Variants in NOTCH2 observed in about 807,000 individuals in gnomAD.
The protein encoded by NOTCH2 is notch receptor 2.
A neutral mutation model predicts 235.8 loss-of-function variants in NOTCH2; 29 were observed. That is an observed-to-expected ratio of 0.12 (90% CI 0.09 to 0.17). The LOEUF (loss-of-function observed/expected upper bound fraction) is 0.17, where lower values mean the gene tolerates loss of function less well. NOTCH2 is among the 10% of genes least tolerant of loss of function. The pLI is 1.00. For synonymous variants in NOTCH2, 1,086 were observed against 1,141.5 expected, an observed-to-expected ratio of 0.95 and a Z score of 0.98; for missense variants, 2,285 against 3,150.2, an observed-to-expected ratio of 0.73 and a Z score of 6.57.
chr1:119,981,861 T>TA (rs1553201682), intron 5 of NOTCH2, among the ~76,000 whole-genome samples: 3 of 151,872 alleles, frequency 2.0e-5, no homozygotes, highest in Non-Finnish European at 2.9e-5. Context: ...CCATGTAGAA[T>TA]ATAAAAGAGA....
At chr1:119,936,382 TA>T (rs1649849890) in intron 21 of NOTCH2, among the ~76,000 whole-genome samples, 1 of 152,224 alleles carries the variant, frequency 6.6e-6, no homozygotes, top group Non-Finnish European at 1.5e-5. Flanking sequence ...CTGGGGTCTG[TA>T]TGGCCCCAGG....
chr1:119,922,828 G>A (rs781639149), intron 26 of NOTCH2, 50 bp from the exon 27 acceptor site: 2 of 1,610,708 alleles, frequency 1.2e-6, no homozygotes, highest in Non-Finnish European at 1.7e-6. Context: ...GGGTAAAACA[G>A]AAGAGTGCAG....
intron 3 of NOTCH2, 57 bp downstream of exon 3, chr1:120,005,272 C>G (rs1317015438): frequency 6.2e-7 from 1 of 1,613,364 alleles, no homozygotes; most frequent in Non-Finnish European, 8.5e-7. Flanking sequence ...CTAAAAGATG[C>G]TAAATAAAGG....
chr1:119,938,280 A>G (rs768686986), intron 19 of NOTCH2, among the ~76,000 whole-genome samples: 13 of 152,154 alleles, frequency 8.5e-5, no homozygotes, highest in Non-Finnish European at 1.5e-4. Flanking sequence ...AACCAATTTT[A>G]CCACAGTCTA....
At position 119,926,298 on chromosome 1, in the gene NOTCH2, CA is replaced by C. The variant is rs957836119; in HGVS notation, c.4005+200del. 2.6e-5 allele frequency among the ~76,000 whole-genome samples: 4 copies of C among 152,332 alleles called. No homozygotes were observed. In the South Asian group the frequency reaches 8.3e-4, roughly 32 times the overall value. ...CTCACTGTTTCTGGGAGTGTCTAAA[CA>C]GCTTTTATTTGTTTTTGTTTTGTTT... On this transcript the variant is annotated intron_variant, in intron 24 of 33. Transcript: ENST00000256646.
chr1:119,999,800 C>T (rs1272331729), intron 3 of NOTCH2, among the ~76,000 whole-genome samples: 95 of 151,652 alleles, frequency 6.3e-4, no homozygotes, highest in Non-Finnish European at 2.7e-4. Flanking sequence ...AAGAATCACT[C>T]GAACCCAAGA....
intron 4 of NOTCH2, 144 bp downstream of exon 4, chr1:119,996,853 C>T (rs1553204248): frequency 3.2e-6 from 3 of 938,268 alleles, no homozygotes; most frequent in Admixed American, 3.9e-5. Context: ...CCATAAAACT[C>T]CTCCCTCACT....
At chr1:119,981,664 C>T (rs1034919886) in intron 5 of NOTCH2, among the ~76,000 whole-genome samples, 7 of 152,090 alleles carry the variant, frequency 4.6e-5, no homozygotes, top group East Asian at 3.9e-4. Context: ...CCACCAACAG[C>T]GCCACTAATC....
At chr1:119,959,804 A>G (rs1430067992) in intron 11 of NOTCH2, among the ~76,000 whole-genome samples, 1 of 152,228 alleles carries the variant, frequency 6.6e-6, no homozygotes, top group Non-Finnish European at 1.5e-5. Context: ...AGGCAGTAGA[A>G]CCAGACTGTA....
chr1:119,950,952 T>C, intron 14 of NOTCH2, 115 bp from the exon 15 acceptor site: 1 of 747,908 alleles, frequency 1.3e-6, no homozygotes, highest in South Asian at 1.4e-5. Flanking sequence ...CATTCATTTC[T>C]TCAGGCCACT....
chr1:120,045,555 T>G (rs1654750897), intron 1 of NOTCH2, among the ~76,000 whole-genome samples: 1 of 147,208 alleles, frequency 6.8e-6, no homozygotes, highest in South Asian at 2.1e-4. Flanking sequence ...TGGGAAGGCT[T>G]AATAACTTCA....
At chr1:120,060,472 A>ATATAT (rs1655275974) in intron 1 of NOTCH2, among the ~76,000 whole-genome samples, 41 of 144,546 alleles carry the variant, frequency 2.8e-4, no homozygotes, top group African/African-American at 7.6e-4. Flanking sequence ...TATATATATA[A>ATATAT]AAATAAATCA....
At chr1:119,979,098 C>T (rs587717117) in intron 5 of NOTCH2, among the ~76,000 whole-genome samples, 4 of 152,104 alleles carry the variant, frequency 2.6e-5, no homozygotes, top group Non-Finnish European at 4.4e-5. Context: ...GGACATTAGT[C>T]TCTGATCAAA....
intron 7 of NOTCH2, 96 bp from the exon 8 acceptor site, chr1:119,967,717 C>T: frequency 9.3e-7 from 1 of 1,070,426 alleles, no homozygotes; most frequent in South Asian, 1.3e-5. Flanking sequence ...GCATCAGGGC[C>T]AGGCCTTCAA....
intron 1 of NOTCH2, among the ~76,000 whole-genome samples, chr1:120,031,699 T>A (rs1654099035): frequency 9.6e-6 from 1 of 103,874 alleles, no homozygotes; most frequent in East Asian, 2.9e-4. Flanking sequence ...CTGGTGGCAG[T>A]GCTGGGCCTA....
chr1:120,064,970 G>C (rs1655448637), intron 1 of NOTCH2, among the ~76,000 whole-genome samples: 1 of 151,782 alleles, frequency 6.6e-6, no homozygotes. Context: ...CAAAATAACA[G>C]AAATTGCTGG....
At chr1:119,989,200 C>A (rs781923572) in intron 4 of NOTCH2, among the ~76,000 whole-genome samples, 1 of 152,066 alleles carries the variant, frequency 6.6e-6, no homozygotes, top group Non-Finnish European at 1.5e-5. Flanking sequence ...ATTAACAGGA[C>A]CCACCTTAAA....
intron 5 of NOTCH2, among the ~76,000 whole-genome samples, chr1:119,981,179 A>T (rs1553201611): frequency 7.2e-6 from 1 of 139,184 alleles, no homozygotes; most frequent in African/African-American, 2.5e-5. Context: ...CTTCTCTGTC[A>T]ACAGTTCCCA....
intron 5 of NOTCH2, among the ~76,000 whole-genome samples, chr1:119,972,477 T>G (rs1288167424): frequency 1.3e-5 from 2 of 152,210 alleles, no homozygotes; most frequent in Non-Finnish European, 2.9e-5. Flanking sequence ...TAGATGTCAT[T>G]TTTCTTTATT....
Sources: allele counts gnomAD v4.1 joint callset (sites outside exome capture counted in the v4.1 genomes callset), GRCh38; gene constraint gnomAD v4.1.1; transcripts MANE v1.5; gene names NCBI Gene and HGNC (gene_info 2026-07-23, HGNC 2026-07-21).